Variants in RNPC3 observed in about 807,000 individuals in gnomAD.
RNPC3 encodes the protein RNA binding region (RNP1, RRM) containing 3, also known as RNA-binding region-containing protein 3.
Under a neutral mutation model 67.5 loss-of-function variants are expected in RNPC3, and 48 were observed. That is an observed-to-expected ratio of 0.71 (90% CI 0.56 to 0.90). RNPC3 has a LOEUF of 0.90. Among genes scored for constraint, RNPC3 ranks in the 40% least tolerant of loss-of-function variants. The pLI, the probability that RNPC3 is intolerant of heterozygous loss-of-function variation, is 0.00. For synonymous variants in RNPC3, 239 were observed against 210.3 expected, an observed-to-expected ratio of 1.14 and a Z score of -1.18; for missense variants, 637 against 626.1, an observed-to-expected ratio of 1.02 and a Z score of -0.19.
At chr1:103,543,078 G>C (rs1376216138) in intron 8 of RNPC3, among the ~76,000 whole-genome samples, 1 of 151,628 alleles carries the variant, frequency 6.6e-6, no homozygotes, top group East Asian at 1.9e-4. Flanking sequence ...CTGAACCTCG[G>C]TCTTTTTATG....
chr1:103,546,724 A>G, intron 11 of RNPC3: 1 of 383,978 alleles, frequency 2.6e-6, no homozygotes, highest in Non-Finnish European at 4.6e-6. Context: ...TTCTGCTGGT[A>G]TGCAGAAGCT....
intron 14 of RNPC3, chr1:103,552,266 G>A (rs1040144124): frequency 2.0e-5 from 3 of 152,166 alleles, no homozygotes; most frequent in African/African-American, 7.2e-5. Flanking sequence ...TGTCTGGTAA[G>A]CCAAGACAGG....
chr1:103,546,852 A>T, intron 11 of RNPC3, 125 bp from the exon 12 acceptor site: 1 of 531,928 alleles, frequency 1.9e-6, no homozygotes, highest in Middle Eastern at 3.1e-4. Flanking sequence ...GCCACCAGTC[A>T]TATTAGATTA....
At chr1:103,538,587 T>G (rs1446993735) in intron 7 of RNPC3, among the ~76,000 whole-genome samples, 2 of 152,306 alleles carry the variant, frequency 1.3e-5, no homozygotes, top group South Asian at 4.1e-4. Context: ...TGACAAGATG[T>G]TGTAAACAAA....
chr1:103,536,318 T>A (rs1338550524), intron 6 of RNPC3, 124 bp downstream of exon 6: 7 of 654,210 alleles, frequency 1.1e-5, no homozygotes, highest in Non-Finnish European at 1.9e-5. Flanking sequence ...GGGTATAAAG[T>A]AATATGATGA....
chr1:103,526,246 C>T lies in RNPC3; in HGVS notation c.176C>T (p.Ser59Leu), dbSNP rs1650704144. 1 of 1,547,804 alleles carries T rather than the reference C, an allele frequency of 6.5e-7. No individual in the cohort carries two copies. The highest frequency in any genetic ancestry group is 8.7e-7 in the Non-Finnish European group (1 of 1,145,054). The change falls in exon 1 of 15, where the codon TCA becomes TTA. Residue 59 changes from serine (S) to leucine (L), a missense_variant. Physicochemically the swap from Ser to Leu is moderately radical, Grantham distance 145 (BLOSUM62 -2). This residue lies in a region of RNPC3 where 536 missense variants were observed against 500.3 expected (regional missense o/e 1.07). Coordinates refer to ENST00000423855, the MANE Select transcript of RNPC3 (RefSeq NM_017619.4). ...YFGAQSVRVL[S>L]DKGRLKHTAF... ...GGGGCTCAGTCTGTGCGGGTCCTGTCAGATAAGGGGCGACTGGTAAGGGCG... is the reference window on the plus strand; with the variant it reads ...GGGGCTCAGTCTGTGCGGGTCCTGTTAGATAAGGGGCGACTGGTAAGGGCG...
intron 7 of RNPC3, 118 bp from the exon 8 acceptor site, chr1:103,541,232 A>T (rs1651118322): frequency 1.5e-6 from 1 of 689,066 alleles, no homozygotes; most frequent in South Asian, 2.5e-5. Context: ...GATGTAAGTA[A>T]ATCATTTTAT....
At chr1:103,554,877 A>T (rs1651495332) in intron 14 of RNPC3, 157 bp from the exon 15 acceptor site, 1 of 152,454 alleles carries the variant, frequency 6.6e-6, no homozygotes. Context: ...TAAATGTTAT[A>T]AATCAGTTTC....
At chr1:103,554,673 A>C (rs569749107) in intron 14 of RNPC3, 3 of 152,696 alleles carry the variant, frequency 2.0e-5, no homozygotes, top group South Asian at 2.1e-4. Flanking sequence ...GTATCAACCT[A>C]GCCATCCAAC....
At chr1:103,539,470 T>C (rs897934101) in intron 7 of RNPC3, among the ~76,000 whole-genome samples, 2 of 152,254 alleles carry the variant, frequency 1.3e-5, no homozygotes, top group African/African-American at 4.8e-5. Context: ...CTTTAACTTG[T>C]TGAGTGTTAA....
intron 1 of RNPC3, 148 bp downstream of exon 1, chr1:103,526,410 A>T: frequency 1.6e-6 from 1 of 644,082 alleles, no homozygotes; most frequent in South Asian, 2.3e-5. Context: ...TTTTATCAAA[A>T]TATCTGCTCT....
chr1:103,529,899 G>A (rs1253451019), intron 2 of RNPC3, among the ~76,000 whole-genome samples: 1 of 152,124 alleles, frequency 6.6e-6, no homozygotes, highest in Non-Finnish European at 1.5e-5. Flanking sequence ...GGGCGACTCC[G>A]CCTGGCTGCC....
In RNPC3 at chr1:103,525,878, C is replaced by G. The variant is rs1435600874; in HGVS notation, c.-193C>G. Reference sequence around the variant, plus strand: ...AAATCATTAGCACCGCGCCCTTCCCCGAAGAGTCTTCGAAGGGTTGCCGCT... The same window carrying G: ...AAATCATTAGCACCGCGCCCTTCCCGGAAGAGTCTTCGAAGGGTTGCCGCT... On this transcript the variant is annotated 5_prime_UTR_variant, in exon 1 of 15. Transcript: ENST00000423855. 5 of 567,084 alleles carry G rather than the reference C, an allele frequency of 8.8e-6. No homozygotes were observed. Among genetic ancestry groups the G allele is most frequent in the African/African-American group, 1.9e-5 (1 of 52,628 alleles). 35.1% of individuals were successfully genotyped at this position (567,084 alleles called of 1,614,324 possible).
intron 1 of RNPC3, 41 bp from the exon 2 acceptor site, chr1:103,527,654 A>T (rs1650751966): frequency 6.9e-7 from 1 of 1,456,964 alleles, no homozygotes; most frequent in Admixed American, 2.0e-5. Context: ...TGAGAAACTG[A>T]AATTATATTG....
chr1:103,545,087 A>G lies in RNPC3; in HGVS notation c.1192A>G (p.Arg398Gly), dbSNP rs1460601228. 6 of 1,532,188 alleles carry G rather than the reference A, an allele frequency of 3.9e-6. No individual in the cohort carries two copies. In the South Asian group the frequency reaches 6.0e-5, roughly 15 times the overall value. 94.9% of individuals were successfully genotyped at this position (1,532,188 alleles called of 1,614,324 possible). ...CISRRELEKGRISREEMETLS... is the reference protein window; with the variant it reads ...CISRRELEKGGISREEMETLS... ...TTCTAGAAGGGAATTGGAAAAGGGCAGAATTTCTAGAGAAGGTAATGTCAC... is the reference window on the plus strand; with the variant it reads ...TTCTAGAAGGGAATTGGAAAAGGGCGGAATTTCTAGAGAAGGTAATGTCAC... The change falls in exon 10 of 15, where the codon AGA becomes GGA. Residue 398 changes from arginine to glycine, a missense_variant. By Grantham distance (125) the Arg-to-Gly change is moderately radical. Coordinates refer to ENST00000423855, the MANE Select transcript of RNPC3 (RefSeq NM_017619.4).
chr1:103,552,386 TAC>T (rs1365731991), intron 14 of RNPC3: 1 of 151,974 alleles, frequency 6.6e-6, no homozygotes, highest in Non-Finnish European at 1.5e-5. Context: ...AATAAACACT[TAC>T]AGATACATTT....
Position 103,551,078 on chromosome 1 carries a change from C to G in RNPC3, c.1494+5C>G. Reference sequence around the variant, plus strand: ...TTTGGAAAACCCATGGTGGTTGTATCCTTTAAATCCATCTATTTCAAAACT... The same window carrying G: ...TTTGGAAAACCCATGGTGGTTGTATGCTTTAAATCCATCTATTTCAAAACT... On this transcript the variant is annotated splice_donor_5th_base_variant and intron_variant, in intron 13 of 14. Coordinates refer to ENST00000423855, the MANE Select transcript of RNPC3 (RefSeq NM_017619.4). 6.3e-7 allele frequency: 1 copy of G among 1,595,758 alleles called. No individual in the cohort carries two copies.
chr1:103,547,045 A>G lies in RNPC3; in HGVS notation c.1361+10A>G. 2 of 1,428,226 alleles carry G rather than the reference A, an allele frequency of 1.4e-6. No homozygotes were observed. The highest frequency in any genetic ancestry group is 1.9e-6 in the Non-Finnish European group (2 of 1,066,684). The allele number at this position is 1,428,226 out of a possible 1,614,324, so 88.5% of individuals were successfully genotyped here. ...AAACACAGCGGATCATGTAAGTGAC[A>G]GTAAAATACAATCTTCAATTATATT... On this transcript the variant is annotated intron_variant, in intron 12 of 14. Transcript: ENST00000423855.
rs1439800345 is a variant in RNPC3 at position 103,526,619 on chromosome 1, A to G, written c.192+357A>G. 3.3e-5 allele frequency among the ~76,000 whole-genome samples: 5 copies of G among 152,322 alleles called. 1 individual carries two copies. Among genetic ancestry groups the G allele is most frequent in the South Asian group, 4.1e-4 (2 of 4,834 alleles). On this transcript the variant is annotated intron_variant, in intron 1 of 14. Transcript: ENST00000423855. ...AGAGTATTCTTACAAATGTGCATCA[A>G]GGGATTTTTTAAAGTCCTACTTCAT...
Sources: gnomAD v4.1 joint callset for allele counts (sites outside exome capture counted in the v4.1 genomes callset) on GRCh38, gnomAD v4.1.1 for gene constraint, gnomAD v4.1.1 regional missense constraint, MANE v1.5 for transcripts, NCBI Gene and HGNC (gene_info 2026-07-23, HGNC 2026-07-21) for gene names.